NRXN1: variants seen among roughly 807,000 people sequenced by gnomAD.
NRXN1 encodes neurexin-1.
A neutral mutation model predicts 150.9 loss-of-function variants in NRXN1; 39 were observed. That is an observed-to-expected ratio of 0.26 (90% CI 0.20 to 0.34). NRXN1 has a LOEUF of 0.34. Among genes scored for constraint, NRXN1 ranks in the 10% least tolerant of loss-of-function variants. The pLI, the probability that NRXN1 is intolerant of heterozygous loss-of-function variation, is 1.00. For synonymous variants in NRXN1, 924 were observed against 757.0 expected, an observed-to-expected ratio of 1.22 and a Z score of -3.62; for missense variants, 1,815 against 1,949.9, an observed-to-expected ratio of 0.93 and a Z score of 1.30.
At chr2:50,534,102 C>A (rs1473901960) in intron 10 of NRXN1, among the ~76,000 whole-genome samples, 1 of 57,704 alleles carries the variant, frequency 1.7e-5, no homozygotes, top group Non-Finnish European at 3.0e-5. Context: ...AATAATTGCA[C>A]ACACACACAC....
chr2:50,949,258 A>T (rs1221797897), intron 2 of NRXN1, among the ~76,000 whole-genome samples: 1 of 152,046 alleles, frequency 6.6e-6, no homozygotes, highest in Admixed American at 6.6e-5. Flanking sequence ...TCAACCATAT[A>T]ATACTGAGTT....
intron 17 of NRXN1, among the ~76,000 whole-genome samples, chr2:50,244,973 T>C (rs1021285008): frequency 1.3e-5 from 2 of 151,938 alleles, no homozygotes; most frequent in Non-Finnish European, 2.9e-5. Flanking sequence ...TTCTTTTAGG[T>C]CAAAGTCATG....
intron 18 of NRXN1, among the ~76,000 whole-genome samples, chr2:50,201,946 T>C (rs2062198066): frequency 1.3e-5 from 2 of 152,164 alleles, no homozygotes; most frequent in South Asian, 4.1e-4. Flanking sequence ...AGTTCTATTT[T>C]CCCCACTGTG....
chr2:50,253,616 C>A (rs1157431368), intron 17 of NRXN1, among the ~76,000 whole-genome samples: 1 of 152,062 alleles, frequency 6.6e-6, no homozygotes, highest in African/African-American at 2.4e-5. Flanking sequence ...GAGTTTTTAA[C>A]GTAAAGGGAT....
intron 17 of NRXN1, among the ~76,000 whole-genome samples, chr2:50,314,564 T>G (rs2075437293): frequency 6.6e-6 from 1 of 152,006 alleles, no homozygotes; most frequent in Non-Finnish European, 1.5e-5. Flanking sequence ...CATCAATGAT[T>G]TTCTGAGTTT....
At chr2:50,256,499 A>G (rs2682005) in intron 17 of NRXN1, among the ~76,000 whole-genome samples, 102,697 of 152,062 alleles carry the variant, frequency 0.68, 36,073 homozygotes, top group African/African-American at 0.87. Flanking sequence ...CTAAATTTTG[A>G]TACTTCAATA....
chr2:50,633,182 C>A (rs1682646304), intron 5 of NRXN1, among the ~76,000 whole-genome samples: 1 of 152,046 alleles, frequency 6.6e-6, no homozygotes, highest in African/African-American at 2.4e-5. Flanking sequence ...TAAACTGATT[C>A]AATGAAAACA....
intron 17 of NRXN1, among the ~76,000 whole-genome samples, chr2:50,307,080 G>A (rs752365147): frequency 3.4e-4 from 51 of 152,024 alleles, no homozygotes; most frequent in Non-Finnish European, 6.6e-4. Flanking sequence ...TGCCTCCCGG[G>A]TTCAAGCAAT....
intron 5 of NRXN1, among the ~76,000 whole-genome samples, chr2:50,872,849 T>C (rs926051795): frequency 4.0e-5 from 6 of 151,738 alleles, no homozygotes; most frequent in African/African-American, 1.5e-4. Flanking sequence ...ATTCCTGTAG[T>C]CCTAGCTACA....
intron 17 of NRXN1, among the ~76,000 whole-genome samples, chr2:50,413,938 A>C (rs1009964025): frequency 1.3e-5 from 2 of 151,722 alleles, no homozygotes; most frequent in Non-Finnish European, 2.9e-5. Flanking sequence ...CAGAAAGACA[A>C]ATATCACATG....
intron 5 of NRXN1, among the ~76,000 whole-genome samples, chr2:50,834,597 T>A (rs1268118922): frequency 1.3e-5 from 2 of 152,202 alleles, no homozygotes; most frequent in Non-Finnish European, 2.9e-5. Flanking sequence ...TCAGAAAATC[T>A]GAATTTGAAG....
chr2:50,069,873 CAG>C lies in NRXN1; in HGVS notation c.3719-14831_3719-14830del, dbSNP rs1432463514. Among the ~76,000 whole-genome samples the C allele has an allele frequency of 2.4e-5, 3 of 123,174 alleles. No individual in the cohort carries two copies. In the East Asian group the frequency reaches 6.7e-4, roughly 28 times the overall value. The allele number at this position is 123,174 out of a possible 152,430, so 80.8% of individuals were successfully genotyped here. ...TTTTTTTTTTTTTTTTTTTTTGAGACAGAGTCTCGCTCTGTCACCCAGGCTGG... is the reference window on the plus strand; with the variant it reads ...TTTTTTTTTTTTTTTTTTTTTGAGACAGTCTCGCTCTGTCACCCAGGCTGG... On this transcript the variant is annotated intron_variant, in intron 19 of 22. Transcript: ENST00000401669.
chr2:50,136,895 C>CA (rs971411599), intron 18 of NRXN1, among the ~76,000 whole-genome samples: 6 of 152,082 alleles, frequency 3.9e-5, no homozygotes, highest in South Asian at 4.2e-4. Context: ...ACTTTAAGTA[C>CA]AAAAAAATGA....
chr2:50,913,255 T>C (rs1684781718), intron 5 of NRXN1, among the ~76,000 whole-genome samples: 1 of 151,838 alleles, frequency 6.6e-6, no homozygotes, highest in Non-Finnish European at 1.5e-5. Context: ...TATGAAATCC[T>C]ATGGCTAACT....
At chr2:50,944,266 A>G (rs1180950089) in intron 2 of NRXN1, among the ~76,000 whole-genome samples, 1 of 152,182 alleles carries the variant, frequency 6.6e-6, no homozygotes, top group Non-Finnish European at 1.5e-5. Context: ...CACAAATTAT[A>G]AAGAATGGGT....
At chr2:50,268,429 T>C (rs1228471742) in intron 17 of NRXN1, among the ~76,000 whole-genome samples, 1 of 152,204 alleles carries the variant, frequency 6.6e-6, no homozygotes, top group East Asian at 1.9e-4. Context: ...ACATACTGAA[T>C]TAACCAATAG....
chr2:50,007,906 C>T (rs547072562), intron 21 of NRXN1, among the ~76,000 whole-genome samples: 24 of 152,214 alleles, frequency 1.6e-4, no homozygotes, highest in Non-Finnish European at 3.4e-4. Flanking sequence ...TGTTTCCTGA[C>T]TTTTTAATGG....
intron 5 of NRXN1, among the ~76,000 whole-genome samples, chr2:50,821,575 T>G (rs1049983465): frequency 2.0e-5 from 3 of 152,162 alleles, no homozygotes; most frequent in African/African-American, 4.8e-5. Flanking sequence ...ATAAGCACCA[T>G]AGAAGTGCAA....
chr2:50,366,532 G>A (rs1487318426), intron 17 of NRXN1, among the ~76,000 whole-genome samples: 1 of 151,954 alleles, frequency 6.6e-6, no homozygotes, highest in Non-Finnish European at 1.5e-5. Flanking sequence ...AGTGCACAGA[G>A]TAGCAATATG....
Sources: gnomAD v4.1 joint callset for allele counts (sites outside exome capture counted in the v4.1 genomes callset) on GRCh38, gnomAD v4.1.1 for gene constraint, MANE v1.5 for transcripts, NCBI Gene and HGNC (gene_info 2026-07-23, HGNC 2026-07-21) for gene names.